The following TNS3 variants were observed in gnomAD, a reference collection of about 807,000 sequenced individuals.
TNS3 encodes tensin 3, also known as tensin-3.
TNS3 carries 45 observed loss-of-function variants against 140.9 expected under a neutral mutation model. That is an observed-to-expected ratio of 0.32 (90% confidence interval 0.25 to 0.41). TNS3 has a LOEUF of 0.41. TNS3 is among the 10% of genes least tolerant of loss of function. The probability of loss-of-function intolerance (pLI) is 1.00; values close to 1 mark genes in which losing one functional copy is unlikely to be tolerated. For synonymous variants in TNS3, 815 were observed against 788.4 expected (o/e 1.03, Z -0.56); for missense variants, 1,716 against 1,906.7 (o/e 0.90, Z 1.86).
chr7:47,488,983 C>A (rs1280573323), intron 3 of TNS3, among the ~76,000 whole-genome samples: 1 of 152,222 alleles, frequency 6.6e-6, no homozygotes, highest in Admixed American at 6.5e-5. Context: ...TGAGGACATT[C>A]GAGACTTTAT....
In TNS3 at chr7:47,446,688, CTTTTT is replaced by C. The variant is rs144042398; in HGVS notation, c.-75-4638_-75-4634del. 3.9e-3 allele frequency among the ~76,000 whole-genome samples: 378 copies of C among 96,678 alleles called. 5 individuals are homozygous for C. Among genetic ancestry groups the C allele is most frequent in the African/African-American group, 0.016 (348 of 21,994 alleles). 63.4% of individuals were successfully genotyped at this position (96,678 alleles called of 152,430 possible). On this transcript the variant is annotated intron_variant, in intron 4 of 30. Coordinates refer to ENST00000311160, the MANE Select transcript of TNS3 (RefSeq NM_022748.12). Reference sequence around the variant, plus strand: ...CAAAGACCGCCCTGTTCCAGGCTGCCTTTTTTTTTTTTTTTTTTTTTTTTTGAGTC... The same window carrying C: ...CAAAGACCGCCCTGTTCCAGGCTGCCTTTTTTTTTTTTTTTTTTTTGAGTC...
chr7:47,299,239 G>A (rs1045175726), intron 23 of TNS3, among the ~76,000 whole-genome samples: 6 of 152,198 alleles, frequency 3.9e-5, no homozygotes, highest in African/African-American at 1.4e-4. Flanking sequence ...CTGGGCCCAA[G>A]TGATCCTCCC....
chr7:47,415,285 A>C, intron 10 of TNS3, 79 bp from the exon 11 acceptor site: 4 of 981,114 alleles, frequency 4.1e-6, no homozygotes, highest in Non-Finnish European at 6.1e-6. Flanking sequence ...GGAGAAACAC[A>C]TCCTGGCTGA....
chr7:47,511,272 TG>T (rs1281764674), intron 2 of TNS3, among the ~76,000 whole-genome samples: 2 of 152,154 alleles, frequency 1.3e-5, no homozygotes, highest in Non-Finnish European at 2.9e-5. Context: ...GATATGTTTA[TG>T]GGGCTAGATT....
At chr7:47,422,915 A>G (rs565698686) in intron 10 of TNS3, among the ~76,000 whole-genome samples, 12 of 152,232 alleles carry the variant, frequency 7.9e-5, no homozygotes, top group African/African-American at 2.9e-4. Flanking sequence ...TAACTAAAAT[A>G]TTTTAGAAAA....
chr7:47,322,020 A>C (rs1157385159), intron 20 of TNS3, among the ~76,000 whole-genome samples: 2 of 151,980 alleles, frequency 1.3e-5, no homozygotes, highest in African/African-American at 4.8e-5. Flanking sequence ...TGGAAGGAGG[A>C]GTCTCATTGG....
chr7:47,558,336 A>G (rs1800251213), intron 1 of TNS3, among the ~76,000 whole-genome samples: 1 of 152,146 alleles, frequency 6.6e-6, no homozygotes, highest in Non-Finnish European at 1.5e-5. Context: ...TTCTTACCCC[A>G]GGGCAAAAAG....
chr7:47,428,437 A>C (rs1203091137), intron 8 of TNS3, 61 bp from the exon 9 acceptor site: 1 of 1,271,494 alleles, frequency 7.9e-7, no homozygotes, highest in Non-Finnish European at 1.0e-6. Flanking sequence ...ATGTAATTAG[A>C]ACAGGAAAAG....
rs1314377742 is a variant in TNS3 at position 47,275,756 on chromosome 7, C to T, written c.*2320G>A. 2.2e-6 allele frequency: 1 copy of T among 453,958 alleles called. No homozygotes were observed. The highest frequency in any genetic ancestry group is 7.0e-5 in the East Asian group (1 of 14,364). The allele number at this position is 453,958 out of a possible 1,614,324, so 28.1% of individuals were successfully genotyped here. ...TCTGCTTGGAGCAAATTCCCCGATGCCCTTGACCACGTTTACCTTGTGTAA... is the reference window on the plus strand; with the variant it reads ...TCTGCTTGGAGCAAATTCCCCGATGTCCTTGACCACGTTTACCTTGTGTAA... On this transcript the variant is annotated 3_prime_UTR_variant, in exon 31 of 31. Coordinates refer to ENST00000311160, the MANE Select transcript of TNS3 (RefSeq NM_022748.12).
At chr7:47,411,688 G>A in intron 13 of TNS3, 39 bp downstream of exon 13, 3 of 1,578,752 alleles carry the variant, frequency 1.9e-6, no homozygotes, top group East Asian at 2.3e-5. Context: ...CTGGGAGAGT[G>A]GGGACACCAA....
At position 47,376,726 on chromosome 7, in the gene TNS3, G is replaced by GACACACACACACACACACACACACAC. The variant is rs148067728; in HGVS notation, c.1025-7131_1025-7106dup. ...TTCACAGATCAACTATCTAGATCAA[G>GACACACACACACACACACACACACAC]ACACACACACACACACACACACACA... On this transcript the variant is annotated intron_variant, in intron 16 of 30. Transcript: ENST00000311160. 2.7e-3 allele frequency among the ~76,000 whole-genome samples: 389 copies of GACACACACACACACACACACACACAC among 144,342 alleles called. 1 individual carries two copies. Among genetic ancestry groups the GACACACACACACACACACACACACAC allele is most frequent in the African/African-American group, 8.2e-3 (319 of 39,060 alleles). The allele number at this position is 144,342 out of a possible 152,430, so 94.7% of individuals were successfully genotyped here. A position where few individuals can be genotyped will look rare whatever the true frequency, so the allele number is the denominator to read the frequency against.
intron 20 of TNS3, among the ~76,000 whole-genome samples, chr7:47,342,415 T>G (rs1353009313): frequency 6.6e-6 from 1 of 152,234 alleles, no homozygotes; most frequent in Non-Finnish European, 1.5e-5. Flanking sequence ...TAAAGCCTAC[T>G]ACTTCAAAAC....
rs1280223143 is a variant in TNS3 at position 47,277,287 on chromosome 7, A to G, written c.*789T>C. Reference sequence around the variant, plus strand: ...ATAATTTGGCATAAGTAAAATATAAATTACATAGAAATAATATTTTTGTTC... The same window carrying G: ...ATAATTTGGCATAAGTAAAATATAAGTTACATAGAAATAATATTTTTGTTC... On this transcript the variant is annotated 3_prime_UTR_variant, in exon 31 of 31. Transcript: ENST00000311160. The G allele has an allele frequency of 6.6e-6, 1 of 152,228 alleles. No homozygotes were observed. The highest frequency in any genetic ancestry group is 1.5e-5 in the Non-Finnish European group (1 of 68,106). The allele number at this position is 152,228 out of a possible 1,614,324, so 9.4% of individuals were successfully genotyped here.
chr7:47,564,715 G>A (rs973197043), intron 1 of TNS3, among the ~76,000 whole-genome samples: 1 of 135,540 alleles, frequency 7.4e-6, no homozygotes, highest in African/African-American at 2.6e-5. Flanking sequence ...ATATATATGC[G>A]TATATACATG....
chr7:47,501,847 G>A (rs963930219), intron 3 of TNS3, among the ~76,000 whole-genome samples: 7 of 152,168 alleles, frequency 4.6e-5, no homozygotes, highest in East Asian at 1.9e-4. Context: ...TGAGCCATGC[G>A]GGAGTCAGAG....
At chr7:47,303,955 A>G (rs536185435) in intron 21 of TNS3, among the ~76,000 whole-genome samples, 159 of 152,298 alleles carry the variant, frequency 1.0e-3, no homozygotes, top group African/African-American at 3.8e-3. Context: ...CCCACTGGGA[A>G]GCCTTTTCCT....
chr7:47,491,886 C>G (rs1334554499), intron 3 of TNS3, among the ~76,000 whole-genome samples: 1 of 152,196 alleles, frequency 6.6e-6, no homozygotes, highest in Non-Finnish European at 1.5e-5. Context: ...CCATCAATCA[C>G]AGCCAGTTCC....
intron 1 of TNS3, among the ~76,000 whole-genome samples, chr7:47,570,335 G>C (rs1057317978): frequency 2.0e-5 from 3 of 152,224 alleles, no homozygotes; most frequent in Non-Finnish European, 4.4e-5. Flanking sequence ...ATTCTTTTGT[G>C]CTGAAGTCAC....
chr7:47,375,608 A>G (rs751179230), intron 16 of TNS3, among the ~76,000 whole-genome samples: 1 of 152,236 alleles, frequency 6.6e-6, no homozygotes, highest in African/African-American at 2.4e-5. Flanking sequence ...AAGAGGGTTA[A>G]GAGGCACTCA....
Sources: gnomAD v4.1 joint callset for allele counts (sites outside exome capture counted in the v4.1 genomes callset) on GRCh38, gnomAD v4.1.1 for gene constraint, MANE v1.5 for transcripts, NCBI Gene and HGNC (gene_info 2026-07-23, HGNC 2026-07-21) for gene names.